USP28: variants seen among roughly 807,000 people sequenced by gnomAD.
The protein encoded by USP28 is ubiquitin carboxyl-terminal hydrolase 28.
In USP28, 113 loss-of-function variants were observed where a neutral mutation model predicts 145.0. The observed-to-expected ratio is 0.78, with a 90% CI of 0.67 to 0.91. The LOEUF is 0.91. Among genes scored for constraint, USP28 ranks in the 40% least tolerant of loss-of-function variants. The probability of loss-of-function intolerance (pLI) is 0.00; values close to 1 mark genes in which losing one functional copy is unlikely to be tolerated. For missense variants in USP28, 1,201 were observed against 1,289.6 expected, an observed-to-expected ratio of 0.93 and a Z score of 1.05; for synonymous variants, 447 against 450.9, an observed-to-expected ratio of 0.99 and a Z score of 0.11.
At chr11:113,833,914 C>T (rs1307930951) in intron 6 of USP28, among the ~76,000 whole-genome samples, 3 of 152,138 alleles carry the variant, frequency 2.0e-5, no homozygotes, top group South Asian at 4.1e-4. Flanking sequence ...TAGACTAAGG[C>T]GGCTCAGGTC....
chr11:113,874,193 T>TATTAC (rs1369440795), intron 1 of USP28, among the ~76,000 whole-genome samples: 2 of 147,830 alleles, frequency 1.4e-5, no homozygotes, highest in African/African-American at 5.0e-5. Context: ...GGCTCACGCC[T>TATTAC]GTAATCCCAG....
chr11:113,834,417 T>C (rs140335354), intron 5 of USP28, 82 bp from the exon 6 acceptor site: 11 of 948,640 alleles, frequency 1.2e-5, no homozygotes, highest in African/African-American at 1.7e-5. Flanking sequence ...TCAAATATTT[T>C]ATTTCATATT....
At chr11:113,806,660 T>C in intron 18 of USP28, 76 bp from the exon 20 acceptor site, 1 of 1,071,704 alleles carries the variant, frequency 9.3e-7, no homozygotes, top group Non-Finnish European at 1.3e-6. Flanking sequence ...GAAAGCAGGC[T>C]GAACAGAGTG....
rs1210900105 is a variant in USP28 at position 113,844,822 on chromosome 11, T to C, written c.269-3054A>G. 3.9e-5 allele frequency among the ~76,000 whole-genome samples: 6 copies of C among 152,098 alleles called. No individual in the cohort carries two copies. The East Asian group carries it at 1.2e-3, about 29-fold the overall frequency. ...TGGTGGGATTTTAAGATGGTGCAAC[T>C]GGCCAGGTGCGGTGGCTCACGCCTG... On this transcript the variant is annotated intron_variant, in intron 3 of 24. Transcript: ENST00000003302.
intron 3 of USP28, among the ~76,000 whole-genome samples, chr11:113,850,251 T>C (rs1249487286): frequency 1.3e-5 from 2 of 152,044 alleles, no homozygotes; most frequent in Non-Finnish European, 2.9e-5. Flanking sequence ...ACTACATCAC[T>C]AGATATATAC....
chr11:113,874,665 C>T, intron 1 of USP28: 1 of 1,262,324 alleles, frequency 7.9e-7, no homozygotes, highest in East Asian at 5.6e-5. Context: ...TATAACATTC[C>T]GAAGTAACAC....
chr11:113,816,096 A>G (rs895840274), intron 13 of USP28, among the ~76,000 whole-genome samples: 7 of 152,222 alleles, frequency 4.6e-5, no homozygotes, highest in African/African-American at 4.8e-5. Context: ...TAATTTCTCT[A>G]TTGTCAGAGT....
intron 6 of USP28, among the ~76,000 whole-genome samples, 160 bp downstream of exon 6, chr11:113,834,089 A>G (rs1944311921): frequency 6.6e-6 from 1 of 152,208 alleles, no homozygotes; most frequent in African/African-American, 2.4e-5. Context: ...ATACCCTTAT[A>G]TGTTATCCCA....
intron 12 of USP28, among the ~76,000 whole-genome samples, chr11:113,822,275 CCTTG>C (rs1942719533): frequency 6.6e-6 from 1 of 152,116 alleles, no homozygotes; most frequent in South Asian, 2.1e-4. Flanking sequence ...CATGGTGAAA[CCTTG>C]TCTCTACCAA....
intron 1 of USP28, among the ~76,000 whole-genome samples, chr11:113,861,913 G>A (rs1947736256): frequency 2.0e-5 from 3 of 152,084 alleles, no homozygotes; most frequent in Admixed American, 2.0e-4. Context: ...ATATTGGTAG[G>A]GCTAATTGAA....
intron 1 of USP28, among the ~76,000 whole-genome samples, chr11:113,871,271 T>C (rs907726859): frequency 3.3e-5 from 5 of 152,222 alleles, no homozygotes; most frequent in African/African-American, 9.7e-5. Flanking sequence ...GGGATGTGAA[T>C]GCTGCTGGTC....
In USP28 at chr11:113,836,381, C is replaced by A. The variant is rs149424269; in HGVS notation, c.535-2046G>T. On this transcript the variant is annotated intron_variant, in intron 5 of 24. Transcript: ENST00000003302. ...TCAGCTGCTCTAATCCAACTCCCAT[C>A]GCCGCTCACTTGCACATGGTCTCTC... 2.8e-4 allele frequency among the ~76,000 whole-genome samples: 43 copies of A among 152,276 alleles called. 1 individual carries two copies. The East Asian group carries it at 7.5e-3, about 27-fold the overall frequency.
intron 1 of USP28, among the ~76,000 whole-genome samples, chr11:113,872,174 A>G (rs138050399): frequency 5.9e-5 from 9 of 152,300 alleles, no homozygotes; most frequent in African/African-American, 1.7e-4. Flanking sequence ...AATTTCTTTG[A>G]TGAAACAGAA....
chr11:113,870,592 C>A (rs1444950055), intron 1 of USP28, among the ~76,000 whole-genome samples: 1 of 152,230 alleles, frequency 6.6e-6, no homozygotes, highest in African/African-American at 2.4e-5. Flanking sequence ...TCAACCTAAC[C>A]TGCTGCTGCC....
chr11:113,848,250 T>G (rs997728547), intron 3 of USP28, among the ~76,000 whole-genome samples: 3 of 152,242 alleles, frequency 2.0e-5, no homozygotes, highest in Admixed American at 2.0e-4. Flanking sequence ...AAGGGAACTC[T>G]GCTGATTAAC....
At chr11:113,858,241 T>G (rs1947281813) in intron 1 of USP28, among the ~76,000 whole-genome samples, 2 of 152,148 alleles carry the variant, frequency 1.3e-5, no homozygotes, top group South Asian at 4.1e-4. Context: ...CCAACAACAA[T>G]GTTCTACATG....
chr11:113,799,189 T>C, exon 25 of USP28: 1 of 1,576,888 alleles, frequency 6.3e-7, no homozygotes, highest in East Asian at 2.2e-5. Flanking sequence ...CGAACTTCTG[T>C]GCAAGAGGCA....
chr11:113,853,282 G>A (rs1318460941), intron 2 of USP28, among the ~76,000 whole-genome samples: 1 of 126,696 alleles, frequency 7.9e-6, no homozygotes, highest in African/African-American at 3.0e-5. Context: ...GCAACTGAGT[G>A]AGATCCTGTC....
chr11:113,808,142 G>A lies in USP28; in HGVS notation c.2304+156C>T. ...TTGGGTTCAGCTTCTTTAAGCTGTG[G>A]CAGCAGAGTGGGGAGAAAGAGTAAG... is the stretch of plus-strand genomic sequence containing the variant. On this transcript the variant is annotated intron_variant, in intron 18 of 24. Coordinates refer to ENST00000003302, the Ensembl canonical transcript of USP28. The A allele has an allele frequency of 6.6e-7, 1 of 1,513,814 alleles. No homozygotes were observed. The highest frequency in any genetic ancestry group is 8.8e-7 in the Non-Finnish European group (1 of 1,138,860). The allele number at this position is 1,513,814 out of a possible 1,614,324, so 93.8% of individuals were successfully genotyped here. A position where few individuals can be genotyped will look rare whatever the true frequency, so the allele number is the denominator to read the frequency against.
Sources: allele counts gnomAD v4.1 joint callset (sites outside exome capture counted in the v4.1 genomes callset), GRCh38; gene constraint gnomAD v4.1.1; transcripts MANE v1.5; gene names NCBI Gene and HGNC (gene_info 2026-07-23, HGNC 2026-07-21).